The following DOCK2 variants were observed in gnomAD, a reference collection of about 807,000 sequenced individuals.
The protein encoded by DOCK2 is dedicator of cytokinesis protein 2.
Under a neutral mutation model 248.9 loss-of-function variants are expected in DOCK2, and 87 were observed. The observed-to-expected ratio is 0.35, with a 90% CI of 0.29 to 0.42. The LOEUF (loss-of-function observed/expected upper bound fraction) is 0.42. DOCK2 is among the 10% of genes least tolerant of loss of function. The probability of loss-of-function intolerance (pLI) is 1.00; values close to 1 mark genes in which losing one functional copy is unlikely to be tolerated. For synonymous variants in DOCK2, 805 were observed against 821.6 expected (o/e 0.98, Z 0.35); for missense variants, 1,747 against 2,300.2 (o/e 0.76, Z 4.92).
At chr5:169,679,435 A>G (rs529863073) in intron 6 of DOCK2, among the ~76,000 whole-genome samples, 11 of 152,296 alleles carry the variant, frequency 7.2e-5, no homozygotes, top group African/African-American at 1.7e-4. Flanking sequence ...AGTCCTGTCA[A>G]TCCTACCAAA....
At chr5:169,810,981 TCTCTCTCTCACACA>T (rs1164318380) in intron 26 of DOCK2, among the ~76,000 whole-genome samples, 269 of 142,080 alleles carry the variant, frequency 1.9e-3, no homozygotes, top group Admixed American at 1.9e-3. Flanking sequence ...ACTCTCTCTC[TCTCTCTCTCACACA>T]CACACACACA....
At chr5:169,908,511 C>T (rs1313108288) in intron 27 of DOCK2, among the ~76,000 whole-genome samples, 1 of 152,004 alleles carries the variant, frequency 6.6e-6, no homozygotes. Context: ...GAGAAATGAA[C>T]ACAAATAGGT....
chr5:169,865,953 T>C (rs1270730660), intron 27 of DOCK2, among the ~76,000 whole-genome samples: 2 of 152,232 alleles, frequency 1.3e-5, no homozygotes, highest in Non-Finnish European at 2.9e-5. Flanking sequence ...GCCGTTGCCA[T>C]GCATGACGAA....
At position 169,768,792 on chromosome 5, in the gene DOCK2, C is replaced by T. The variant is rs529484503; in HGVS notation, c.2554+7167C>T. 2.6e-5 allele frequency among the ~76,000 whole-genome samples: 4 copies of T among 152,320 alleles called. No homozygotes were observed. The East Asian group carries it at 7.7e-4, about 29-fold the overall frequency. ...TGCTCTAGCCTCATAGTGGGGCTGT[C>T]ATCTCTCTTTGTACCTTACATGCCC... is the stretch of plus-strand genomic sequence containing the variant. On this transcript the variant is annotated intron_variant, in intron 25 of 51. Coordinates refer to ENST00000520908, the MANE Select transcript of DOCK2 (RefSeq NM_004946.3).
In DOCK2 at chr5:169,917,835, T is replaced by A. The variant is rs991081860; in HGVS notation, c.2800-65233T>A. ...ATAAGACTGGTAATTAAGGAGGAGT[T>A]ATTGTGCTAAAGCTGGTCTTCCCTT... is the stretch of plus-strand genomic sequence containing the variant. On this transcript the variant is annotated intron_variant, in intron 27 of 51. Transcript: ENST00000520908. Among the ~76,000 whole-genome samples the A allele has an allele frequency of 1.8e-4, 28 of 152,246 alleles. No individual in the cohort carries two copies. In the Middle Eastern group the frequency reaches 0.01, roughly 55 times the overall value.
At chr5:170,008,463 T>C in intron 30 of DOCK2, 34 bp from the exon 31 acceptor site, 1 of 1,611,238 alleles carries the variant, frequency 6.2e-7, no homozygotes, top group South Asian at 1.1e-5. Context: ...CTTCAGACCC[T>C]CTCCATAACT....
Position 169,847,533 on chromosome 5 carries a change from G to A in DOCK2, c.2799+6681G>A, listed in dbSNP as rs559536773. Reference sequence around the variant, plus strand: ...CATTCTTTCTGCAGATAATTGGCTAGTGACTTTATGCCAATTTAATCTCTC... The same window carrying A: ...CATTCTTTCTGCAGATAATTGGCTAATGACTTTATGCCAATTTAATCTCTC... On this transcript the variant is annotated intron_variant, in intron 27 of 51. Coordinates refer to ENST00000520908, the MANE Select transcript of DOCK2 (RefSeq NM_004946.3). Among the ~76,000 whole-genome samples the A allele has an allele frequency of 2.0e-5, 3 of 152,280 alleles. No homozygotes were observed. In the South Asian group the frequency reaches 6.2e-4, roughly 32 times the overall value.
chr5:170,069,335 T>C, intron 46 of DOCK2, 115 bp downstream of exon 46: 1 of 1,049,108 alleles, frequency 9.5e-7, no homozygotes, highest in Admixed American at 2.1e-5. Flanking sequence ...TGCCCTCCTG[T>C]CCCTTGCTTT....
intron 2 of DOCK2, among the ~76,000 whole-genome samples, chr5:169,665,908 G>A (rs1351803695): frequency 6.6e-6 from 1 of 152,010 alleles, no homozygotes; most frequent in Admixed American, 6.6e-5. Flanking sequence ...ATTTGATATT[G>A]GTATTTGAGA....
At chr5:169,688,992 C>T (rs1057462980) in intron 8 of DOCK2, among the ~76,000 whole-genome samples, 14 of 152,128 alleles carry the variant, frequency 9.2e-5, no homozygotes, top group African/African-American at 2.4e-4. Context: ...ACAGCTGTGC[C>T]AGAATTTGCT....
chr5:169,899,428 T>C (rs1251800260), intron 27 of DOCK2, among the ~76,000 whole-genome samples: 1 of 152,138 alleles, frequency 6.6e-6, no homozygotes, highest in East Asian at 1.9e-4. Flanking sequence ...CACCTACCTA[T>C]AAATAGGATG....
At chr5:169,805,644 C>T (rs1354998728) in intron 26 of DOCK2, among the ~76,000 whole-genome samples, 1 of 152,196 alleles carries the variant, frequency 6.6e-6, no homozygotes, top group Non-Finnish European at 1.5e-5. Flanking sequence ...CTGCCCATCC[C>T]AGGGGAGTGG....
intron 5 of DOCK2, among the ~76,000 whole-genome samples, chr5:169,671,739 T>C (rs1280672698): frequency 1.3e-5 from 2 of 152,252 alleles, no homozygotes; most frequent in Admixed American, 1.3e-4. Flanking sequence ...ACCATTAAGC[T>C]GAGAGTGAAA....
Position 170,036,513 on chromosome 5 carries a change from A to G in DOCK2, c.3625-2A>G. 6.2e-7 allele frequency: 1 copy of G among 1,612,990 alleles called. No individual in the cohort carries two copies. The highest frequency in any genetic ancestry group is 8.5e-7 in the Non-Finnish European group (1 of 1,179,502). ...CATCATTGTTTTTCCTCCCCTACCT[A>G]GAATTTCTACAAAGATAACAACAGG... On this transcript the variant is annotated splice_acceptor_variant, in intron 35 of 51. Transcript: ENST00000520908. LOFTEE classifies it high-confidence loss of function.
intron 28 of DOCK2, among the ~76,000 whole-genome samples, chr5:169,984,938 G>T (rs1778027957): frequency 6.6e-6 from 1 of 151,862 alleles, no homozygotes; most frequent in African/African-American, 2.4e-5. Flanking sequence ...TTTATTTTTT[G>T]AGACAGAATC....
In DOCK2 at chr5:169,927,397, G is replaced by A. The variant is rs1775512508; in HGVS notation, c.2800-55671G>A. Among the ~76,000 whole-genome samples the A allele has an allele frequency of 2.6e-5, 4 of 152,268 alleles. No individual in the cohort carries two copies. In the South Asian group the frequency reaches 8.3e-4, roughly 32 times the overall value. On this transcript the variant is annotated intron_variant, in intron 27 of 51. Transcript: ENST00000520908. ...TGCTGGACCCCATCCCTAGAGATGG[G>A]GACCTTCTAATAAGTTTGCATGTGG... is the stretch of plus-strand genomic sequence containing the variant.
In DOCK2 at chr5:169,844,293, C is replaced by T. The variant is rs1311788574; in HGVS notation, c.2799+3441C>T. Among the ~76,000 whole-genome samples, 4 of 152,216 alleles carry T rather than the reference C, an allele frequency of 2.6e-5. No individual in the cohort carries two copies. The East Asian group carries it at 7.7e-4, about 29-fold the overall frequency. ...CTTACATACGAAGTACTCCTGGATG[C>T]TGGCAGGACAGCTTTAGAGATCAGC... On this transcript the variant is annotated intron_variant, in intron 27 of 51. Coordinates refer to ENST00000520908, the MANE Select transcript of DOCK2 (RefSeq NM_004946.3).
chr5:170,062,114 TGTGTGTGTGTGTGTGA>T (rs1757350922), intron 44 of DOCK2, among the ~76,000 whole-genome samples: 2 of 150,724 alleles, frequency 1.3e-5, no homozygotes, highest in African/African-American at 2.5e-5. Context: ...TGTGTGTGTG[TGTGTGTGTGTGTGTGA>T]GAGAGAGAGA....
chr5:169,895,151 C>G (rs185836540), intron 27 of DOCK2, among the ~76,000 whole-genome samples: 2 of 152,328 alleles, frequency 1.3e-5, no homozygotes, highest in African/African-American at 4.8e-5. Flanking sequence ...TTAATTGCCT[C>G]TCACCTGATG....
Sources: gnomAD v4.1 joint callset for allele counts (sites outside exome capture counted in the v4.1 genomes callset) on GRCh38, gnomAD v4.1.1 for gene constraint, MANE v1.5 for transcripts, NCBI Gene and HGNC (gene_info 2026-07-23, HGNC 2026-07-21) for gene names.